Variants in AKAP6 observed in about 807,000 individuals in gnomAD.
The protein encoded by AKAP6 is A-kinase anchoring protein 6, also known as A-kinase anchor protein 6.
AKAP6 carries 58 observed loss-of-function variants against 188.5 expected under a neutral mutation model. That is an observed-to-expected ratio of 0.31 (90% confidence interval 0.25 to 0.38). The LOEUF (loss-of-function observed/expected upper bound fraction) is 0.38, where lower values mean the gene tolerates loss of function less well. AKAP6 is among the 10% of genes least tolerant of loss of function. The pLI, the probability that AKAP6 is intolerant of heterozygous loss-of-function variation, is 1.00. For synonymous variants in AKAP6, 989 were observed against 998.6 expected (o/e 0.99, Z 0.18); for missense variants, 2,710 against 2,740.0 (o/e 0.99, Z 0.24).
In AKAP6 at chr14:32,559,503, C is replaced by T. The variant is rs141693456; in HGVS notation, c.2346+12504C>T. ...TAGTTTGGACTTTAAGTCACTAATT[C>T]GCAATCTTTGCGAAGATGGGAAACT... On this transcript the variant is annotated intron_variant, in intron 4 of 13. Transcript: ENST00000280979. Among the ~76,000 whole-genome samples the T allele has an allele frequency of 9.9e-4, 151 of 152,232 alleles. No individual in the cohort carries two copies. In the East Asian group the frequency reaches 0.012, roughly 12 times the overall value.
At chr14:32,666,190 ATATC>A (rs1888926257) in intron 7 of AKAP6, among the ~76,000 whole-genome samples, 1 of 152,264 alleles carries the variant, frequency 6.6e-6, no homozygotes, top group East Asian at 1.9e-4. Flanking sequence ...TTTAAATAAA[ATATC>A]TATTATAAGT....
chr14:32,753,881 G>C (rs1215904382), intron 11 of AKAP6, among the ~76,000 whole-genome samples: 1 of 152,004 alleles, frequency 6.6e-6, no homozygotes, highest in Non-Finnish European at 1.5e-5. Context: ...TGGACTACAT[G>C]TGTTTGTTTT....
intron 12 of AKAP6, among the ~76,000 whole-genome samples, chr14:32,786,526 G>C (rs2033427659): frequency 6.6e-6 from 1 of 151,186 alleles, no homozygotes; most frequent in Non-Finnish European, 1.5e-5. Flanking sequence ...GGGTTTTACC[G>C]TGTTAGCCAG....
At chr14:32,682,987 T>G (rs1889748676) in intron 8 of AKAP6, among the ~76,000 whole-genome samples, 1 of 150,770 alleles carries the variant, frequency 6.6e-6, no homozygotes, top group Non-Finnish European at 1.5e-5. Flanking sequence ...TTTTTTTCTT[T>G]TTTCTTCCTT....
At chr14:32,537,181 C>T (rs544508889) in intron 3 of AKAP6, among the ~76,000 whole-genome samples, 6 of 152,326 alleles carry the variant, frequency 3.9e-5, no homozygotes, top group South Asian at 4.1e-4. Context: ...GTGGCAAACT[C>T]TCCGCAGTGC....
At chr14:32,500,645 C>T (rs1880564677) in intron 2 of AKAP6, among the ~76,000 whole-genome samples, 1 of 152,018 alleles carries the variant, frequency 6.6e-6, no homozygotes, top group Non-Finnish European at 1.5e-5. Flanking sequence ...CAGAAGCTTC[C>T]CTGAGAAGTT....
chr14:32,790,398 T>A (rs1314087612), intron 12 of AKAP6, among the ~76,000 whole-genome samples: 1 of 151,820 alleles, frequency 6.6e-6, no homozygotes, highest in Non-Finnish European at 1.5e-5. Flanking sequence ...CATGAGAAGA[T>A]CAACCCCAAG....
chr14:32,759,188 A>G (rs190831159), intron 11 of AKAP6, among the ~76,000 whole-genome samples: 3 of 152,342 alleles, frequency 2.0e-5, no homozygotes, highest in African/African-American at 7.2e-5. Context: ...CATTTAGAAT[A>G]TCACATTCTT....
chr14:32,556,351 T>G (rs1405246891), intron 4 of AKAP6, among the ~76,000 whole-genome samples: 1 of 152,200 alleles, frequency 6.6e-6, no homozygotes, highest in African/African-American at 2.4e-5. Flanking sequence ...CTTTTTTTGT[T>G]TTTTTAATTG....
intron 1 of AKAP6, among the ~76,000 whole-genome samples, chr14:32,389,673 C>T (rs557037057): frequency 1.3e-5 from 2 of 152,172 alleles, no homozygotes; most frequent in African/African-American, 4.8e-5. Context: ...AAGATAGGGT[C>T]CCCATCCCTT....
At chr14:32,799,068 G>A (rs1396406806) in intron 12 of AKAP6, among the ~76,000 whole-genome samples, 1 of 152,098 alleles carries the variant, frequency 6.6e-6, no homozygotes, top group Non-Finnish European at 1.5e-5. Context: ...TACGTTGTGT[G>A]GCATAGTAGA....
rs140213460 is a variant in AKAP6 at position 32,568,555 on chromosome 14, A to T, written c.2347-8565A>T. 3.9e-5 allele frequency among the ~76,000 whole-genome samples: 6 copies of T among 152,300 alleles called. No individual in the cohort carries two copies. In the East Asian group the frequency reaches 1.2e-3, roughly 29 times the overall value. On this transcript the variant is annotated intron_variant, in intron 4 of 13. Coordinates refer to ENST00000280979, the MANE Select transcript of AKAP6 (RefSeq NM_004274.5). This position sits in a 1 kb window ranked among gnomAD's most constrained non-coding sequence, Gnocchi z 6.2. ...AGGTGCTCATTTGAGACTTAAAGGC[A>T]GATAAAGATGATCTGATCTGCTTAT...
intron 2 of AKAP6, among the ~76,000 whole-genome samples, chr14:32,483,924 C>A (rs8010095): frequency 0.62 from 93,777 of 150,520 alleles, 30,442 homozygotes; most frequent in East Asian, 0.86. Flanking sequence ...CTGTCCCTCA[C>A]CTTGCCCCCC....
chr14:32,456,300 T>G (rs1311339909), intron 2 of AKAP6, among the ~76,000 whole-genome samples: 1 of 152,300 alleles, frequency 6.6e-6, no homozygotes, highest in South Asian at 2.1e-4. Context: ...GCCATCTTAC[T>G]TAATTTGTCA....
chr14:32,553,438 C>G (rs1049653000), intron 4 of AKAP6, among the ~76,000 whole-genome samples: 1 of 152,108 alleles, frequency 6.6e-6, no homozygotes, highest in Admixed American at 6.5e-5. Context: ...TCCCGAAGTG[C>G]TGTGATTACA....
chr14:32,674,522 A>C (rs1311875179), intron 7 of AKAP6, among the ~76,000 whole-genome samples: 1 of 152,186 alleles, frequency 6.6e-6, no homozygotes, highest in Non-Finnish European at 1.5e-5. Context: ...TAACCTGCTA[A>C]AGGAAATGAA....
intron 9 of AKAP6, among the ~76,000 whole-genome samples, chr14:32,704,393 C>T (rs893844902): frequency 1.3e-5 from 2 of 152,008 alleles, no homozygotes; most frequent in Admixed American, 6.6e-5. Context: ...AGATTTCTTT[C>T]TAGTTTCTAG....
At chr14:32,673,718 G>A (rs150851158) in intron 7 of AKAP6, among the ~76,000 whole-genome samples, 466 of 152,248 alleles carry the variant, frequency 3.1e-3, no homozygotes, top group African/African-American at 0.011. Context: ...TTGGGCAGTA[G>A]AGTGAGACTC....
chr14:32,512,596 G>A (rs558486008), intron 2 of AKAP6, among the ~76,000 whole-genome samples: 125 of 152,244 alleles, frequency 8.2e-4, no homozygotes, highest in African/African-American at 2.9e-3. Context: ...GGTCAGATAT[G>A]CTATTCTGAT....
Sources: gnomAD v4.1 joint callset for allele counts (sites outside exome capture counted in the v4.1 genomes callset) on GRCh38, gnomAD v4.1.1 for gene constraint, Gnocchi (gnomAD v3.1) non-coding constraint, MANE v1.5 for transcripts, NCBI Gene and HGNC (gene_info 2026-07-23, HGNC 2026-07-21) for gene names.